NECAB1: variants seen among roughly 807,000 people sequenced by gnomAD.
NECAB1 encodes the protein N-terminal EF-hand calcium-binding protein 1.
In NECAB1, 29 loss-of-function variants were observed where a neutral mutation model predicts 57.5. The ratio of observed to expected loss-of-function variants is 0.50; its 90% CI spans 0.38 to 0.69. The LOEUF is 0.69. Ranked by LOEUF, NECAB1 falls within the 30% of genes least tolerant of loss-of-function variation. The pLI, the probability that NECAB1 is intolerant of heterozygous loss-of-function variation, is 0.00. For missense variants in NECAB1, 372 were observed against 413.8 expected, an observed-to-expected ratio of 0.90 and a Z score of 0.88; for synonymous variants, 142 against 147.7, an observed-to-expected ratio of 0.96 and a Z score of 0.28.
intron 1 of NECAB1, among the ~76,000 whole-genome samples, chr8:90,799,042 C>A (rs1811716777): frequency 1.3e-5 from 2 of 152,236 alleles, no homozygotes. Flanking sequence ...ATTTGCATTT[C>A]TCTGATGATT....
intron 3 of NECAB1, among the ~76,000 whole-genome samples, chr8:90,865,728 C>A (rs1808500569): frequency 6.6e-6 from 1 of 152,170 alleles, no homozygotes; most frequent in African/African-American, 2.4e-5. Flanking sequence ...TGTGTTTGTG[C>A]TAGGCCCTAG....
At chr8:90,861,525 T>C (rs527300801) in intron 3 of NECAB1, among the ~76,000 whole-genome samples, 1 of 152,294 alleles carries the variant, frequency 6.6e-6, no homozygotes, top group South Asian at 2.1e-4. Flanking sequence ...CAATTCCATA[T>C]GGTTAAGAGT....
chr8:90,820,459 T>C (rs1261538512), intron 2 of NECAB1, among the ~76,000 whole-genome samples: 1 of 151,954 alleles, frequency 6.6e-6, no homozygotes, highest in African/African-American at 2.4e-5. Context: ...TTGAACATGA[T>C]GTTTTCATTT....
intron 3 of NECAB1, among the ~76,000 whole-genome samples, chr8:90,845,552 G>A (rs557709582): frequency 6.6e-6 from 1 of 152,070 alleles, no homozygotes; most frequent in African/African-American, 2.4e-5. Flanking sequence ...AGTAGGTATT[G>A]GTTCATCTCC....
rs985780166 is a variant in NECAB1, at chr8:90,934,290, T to C, written c.694-14T>C. 7 of 1,507,994 alleles carry C rather than the reference T, an allele frequency of 4.6e-6. No individual in the cohort carries two copies. The highest frequency in any genetic ancestry group is 5.3e-6 in the Non-Finnish European group (6 of 1,127,558). 93.4% of individuals were successfully genotyped at this position (1,507,994 alleles called of 1,614,324 possible). ...ATTTTTTTTCTTTTCTGCCATTTCT[T>C]CCTCTTATTGAAGGATCTCAAACTC... On this transcript the variant is annotated splice_polypyrimidine_tract_variant and intron_variant, in intron 8 of 12. Transcript: ENST00000417640.
chr8:90,922,485 G>GTTTTTTTTTTTTTTTTTTTTTTTT (rs1586127873), intron 6 of NECAB1, among the ~76,000 whole-genome samples: 10 of 65,212 alleles, frequency 1.5e-4, no homozygotes, highest in East Asian at 1.0e-3. Context: ...CAAAAACTTG[G>GTTTTTTTTTTTTTTTTTTTTTTTT]ATTTTTTTTT....
intron 8 of NECAB1, among the ~76,000 whole-genome samples, chr8:90,929,259 G>C (rs900311089): frequency 2.0e-5 from 3 of 152,230 alleles, no homozygotes; most frequent in African/African-American, 7.2e-5. Flanking sequence ...CTGTGACCTG[G>C]GGTGCTCAGG....
chr8:90,875,925 G>A (rs59480761), intron 4 of NECAB1, among the ~76,000 whole-genome samples: 2,627 of 151,892 alleles, frequency 0.017, 75 homozygotes, highest in African/African-American at 0.06. Flanking sequence ...CAGGAGAATG[G>A]CGTGAACCCG....
chr8:90,864,357 G>A (rs1808468334), intron 3 of NECAB1, among the ~76,000 whole-genome samples: 1 of 135,756 alleles, frequency 7.4e-6, no homozygotes, highest in South Asian at 2.8e-4. Flanking sequence ...GGGAGGGGGA[G>A]GGAGTGGGGG....
At chr8:90,866,605 ATAAACT>A (rs1021003823) in intron 3 of NECAB1, among the ~76,000 whole-genome samples, 5 of 152,210 alleles carry the variant, frequency 3.3e-5, no homozygotes, top group African/African-American at 1.2e-4. Context: ...GAAGCTAAAA[ATAAACT>A]TAAATATAAT....
Position 90,958,790 on chromosome 8 carries a change from G to A in NECAB1, c.*3278G>A, listed in dbSNP as rs1811079097. ...ACTAACCAAATTCCTACTTTCCAGT[G>A]TTACTTCCCAATTTATGCAGGAAAC... On this transcript the variant is annotated 3_prime_UTR_variant, in exon 13 of 13. Coordinates refer to ENST00000417640, the MANE Select transcript of NECAB1 (RefSeq NM_022351.5). 1 of 405,514 alleles carries A rather than the reference G, an allele frequency of 2.5e-6. No individual in the cohort carries two copies. The highest frequency in any genetic ancestry group is 4.8e-5 in the Admixed American group (1 of 21,036). The allele number at this position is 405,514 out of a possible 1,614,324, so 25.1% of individuals were successfully genotyped here.
chr8:90,955,065 A>G (rs1457700303), intron 12 of NECAB1, among the ~76,000 whole-genome samples: 1 of 140,768 alleles, frequency 7.1e-6, no homozygotes, highest in Non-Finnish European at 1.5e-5. Context: ...ATGTATAAAT[A>G]TATGGTATTT....
At chr8:90,816,751 T>C (rs531424778) in intron 2 of NECAB1, among the ~76,000 whole-genome samples, 13 of 151,922 alleles carry the variant, frequency 8.6e-5, no homozygotes, top group Non-Finnish European at 7.4e-5. Flanking sequence ...AATCTTGCAA[T>C]TGGGAAGTGT....
rs5893141 is a variant in NECAB1 at position 90,875,844 on chromosome 8, C to CAAAAA, written c.259+3704_259+3708dup. On this transcript the variant is annotated intron_variant, in intron 4 of 12. Transcript: ENST00000417640. ...TGAAACCCCATCTCTACTAAAAATACAAAAAAAAAAAAAAAAATTACCGGG... is the reference window on the plus strand; with the variant it reads ...TGAAACCCCATCTCTACTAAAAATACAAAAAAAAAAAAAAAAAAAAAATTACCGGG... 5.8e-4 allele frequency among the ~76,000 whole-genome samples: 51 copies of CAAAAA among 88,412 alleles called. 2 individuals carry two copies. The highest frequency in any genetic ancestry group is 2.2e-3 in the African/African-American group (47 of 21,826). The allele number at this position is 88,412 out of a possible 152,430, so 58.0% of individuals were successfully genotyped here.
intron 12 of NECAB1, among the ~76,000 whole-genome samples, chr8:90,953,238 G>T (rs536438937): frequency 3.3e-5 from 5 of 152,228 alleles, no homozygotes; most frequent in Admixed American, 2.0e-4. Flanking sequence ...TCAGTGAGGG[G>T]GAAAATGCTA....
chr8:90,906,885 A>ATATATATATATATATATATATGTATG (rs1809674339), intron 5 of NECAB1, among the ~76,000 whole-genome samples: 1 of 120,926 alleles, frequency 8.3e-6, no homozygotes, highest in African/African-American at 3.5e-5. Context: ...ACATATATAT[A>ATATATATATATATATATATATGTATG]TATATATATA....
In NECAB1 at chr8:90,928,185, G is replaced by C. The variant is rs764137563; in HGVS notation, c.617-38G>C. ...ACCAAGCATTTCTTCTCTGTCTAAA[G>C]TTTAACATATTGCCCTCATGATTCC... On this transcript the variant is annotated intron_variant, in intron 7 of 12. Transcript: ENST00000417640. 2.0e-6 allele frequency: 3 copies of C among 1,477,666 alleles called. No individual in the cohort carries two copies. In the South Asian group the frequency reaches 3.5e-5, roughly 17 times the overall value. 91.5% of individuals were successfully genotyped at this position (1,477,666 alleles called of 1,614,324 possible). A position where few individuals can be genotyped will look rare whatever the true frequency, so the allele number is the denominator to read the frequency against.
At chr8:90,834,217 A>G (rs1812334819) in intron 3 of NECAB1, among the ~76,000 whole-genome samples, 1 of 150,638 alleles carries the variant, frequency 6.6e-6, no homozygotes, top group Admixed American at 6.6e-5. Flanking sequence ...ATAAATGTAG[A>G]TTACAAATAA....
At chr8:90,890,372 TGATTGTAAGTTTCCTGAG>T (rs1292283298) in intron 5 of NECAB1, among the ~76,000 whole-genome samples, 10 of 152,212 alleles carry the variant, frequency 6.6e-5, no homozygotes, top group Non-Finnish European at 1.5e-5. Flanking sequence ...CCTTCTGCCA[TGATTGTAAGTTTCCTGAG>T]GCCTCCCCAG....
Sources: allele counts gnomAD v4.1 joint callset (sites outside exome capture counted in the v4.1 genomes callset), GRCh38; gene constraint gnomAD v4.1.1; transcripts MANE v1.5; gene names NCBI Gene and HGNC (gene_info 2026-07-23, HGNC 2026-07-21).